The following CPNE8 variants were observed in gnomAD, a reference collection of about 807,000 sequenced individuals.
CPNE8 encodes the protein copine-8.
Under a neutral mutation model 81.5 loss-of-function variants are expected in CPNE8, and 45 were observed. The ratio of observed to expected loss-of-function variants is 0.55; its 90% confidence interval spans 0.44 to 0.71. The LOEUF (loss-of-function observed/expected upper bound fraction) is 0.71. CPNE8 is among the 30% of genes least tolerant of loss of function. The pLI is 0.00. For missense variants in CPNE8, 594 were observed against 672.1 expected (o/e 0.88, Z 1.28); for synonymous variants, 252 against 226.3 (o/e 1.11, Z -1.02).
intron 6 of CPNE8, among the ~76,000 whole-genome samples, chr12:38,777,099 C>T (rs1321578333): frequency 6.6e-6 from 1 of 151,148 alleles, no homozygotes; most frequent in Non-Finnish European, 1.5e-5. Context: ...AAAGAAGGCA[C>T]TGTTATCACA....
chr12:38,672,444 T>C (rs1939196146), intron 18 of CPNE8, among the ~76,000 whole-genome samples: 1 of 152,180 alleles, frequency 6.6e-6, no homozygotes, highest in Admixed American at 6.6e-5. Context: ...GGGTCAGGTC[T>C]ACTCTTCAGG....
intron 1 of CPNE8, among the ~76,000 whole-genome samples, chr12:38,903,432 CTG>C (rs1944518083): frequency 1.3e-5 from 2 of 152,118 alleles, no homozygotes; most frequent in Non-Finnish European, 2.9e-5. Context: ...AGGCAGCAAA[CTG>C]AAACAAATTG....
chr12:38,841,812 A>G (rs1339098208), intron 4 of CPNE8, among the ~76,000 whole-genome samples: 1 of 152,132 alleles, frequency 6.6e-6, no homozygotes, highest in African/African-American at 2.4e-5. Context: ...TTCTGTCTTT[A>G]TCAAAATAGT....
chr12:38,875,539 A>G (rs919682901), intron 1 of CPNE8, among the ~76,000 whole-genome samples: 1 of 152,198 alleles, frequency 6.6e-6, no homozygotes, highest in African/African-American at 2.4e-5. Context: ...CACTAGGACT[A>G]CTATTCATGT....
At chr12:38,769,565 G>A (rs1941758409) in intron 7 of CPNE8, among the ~76,000 whole-genome samples, 1 of 152,132 alleles carries the variant, frequency 6.6e-6, no homozygotes, top group African/African-American at 2.4e-5. Context: ...GGGAGAGAAT[G>A]GCTTTCTAAG....
At chr12:38,868,592 C>A (rs908741869) in intron 3 of CPNE8, among the ~76,000 whole-genome samples, 2 of 152,138 alleles carry the variant, frequency 1.3e-5, no homozygotes, top group African/African-American at 2.4e-5. Context: ...TTATTCAATA[C>A]TTCCAGTAAC....
intron 1 of CPNE8, among the ~76,000 whole-genome samples, chr12:38,894,251 T>C (rs1003809694): frequency 6.6e-6 from 1 of 152,106 alleles, no homozygotes; most frequent in Non-Finnish European, 1.5e-5. Flanking sequence ...GTGATTTAAG[T>C]GAAACAAAGA....
In CPNE8 at chr12:38,867,571, C is replaced by T. The variant is rs1943935211; in HGVS notation, c.186+5433G>A. Among the ~76,000 whole-genome samples, 2 of 152,116 alleles carry T rather than the reference C, an allele frequency of 1.3e-5. 1 individual carries two copies. Among genetic ancestry groups the T allele is most frequent in the South Asian group, 4.1e-4 (2 of 4,826 alleles). ...AACTTCCACTTGCCTTCTTTTATCACATACTAACTTAGGGAACCTGGAACA... is the reference window on the plus strand; with the variant it reads ...AACTTCCACTTGCCTTCTTTTATCATATACTAACTTAGGGAACCTGGAACA... On this transcript the variant is annotated intron_variant, in intron 3 of 19. Coordinates refer to ENST00000331366, the MANE Select transcript of CPNE8 (RefSeq NM_153634.3).
At chr12:38,730,820 A>G (rs1483089089) in intron 10 of CPNE8, among the ~76,000 whole-genome samples, 6 of 150,644 alleles carry the variant, frequency 4.0e-5, no homozygotes, top group African/African-American at 1.5e-4. Context: ...TTAAAAAGTT[A>G]TAACATATTA....
At chr12:38,669,862 G>A (rs1346915356) in intron 19 of CPNE8, among the ~76,000 whole-genome samples, 3 of 152,140 alleles carry the variant, frequency 2.0e-5, no homozygotes, top group African/African-American at 7.2e-5. Context: ...TATGCCTGCA[G>A]TTGCAGAAAG....
intron 5 of CPNE8, 111 bp downstream of exon 5, chr12:38,839,805 A>G: frequency 1.0e-6 from 1 of 981,240 alleles, no homozygotes; most frequent in Non-Finnish European, 1.4e-6. Context: ...TTTCTATGAC[A>G]ATCACGTTAC....
intron 3 of CPNE8, among the ~76,000 whole-genome samples, chr12:38,859,000 T>C (rs1177043372): frequency 2.0e-5 from 3 of 152,196 alleles, no homozygotes; most frequent in Non-Finnish European, 2.9e-5. Context: ...TCATACTCGT[T>C]GGTGAAAAAC....
intron 3 of CPNE8, among the ~76,000 whole-genome samples, chr12:38,861,592 G>A (rs1943835788): frequency 6.6e-6 from 1 of 152,058 alleles, no homozygotes; most frequent in African/African-American, 2.4e-5. Context: ...CATGCAGAAT[G>A]AGTACATGGC....
chr12:38,778,882 A>T (rs1181642835), intron 6 of CPNE8, among the ~76,000 whole-genome samples: 1 of 152,090 alleles, frequency 6.6e-6, no homozygotes, highest in African/African-American at 2.4e-5. Flanking sequence ...TCTTGTTTCC[A>T]CCATGTATTT....
At chr12:38,873,185 A>G in intron 2 of CPNE8, 135 bp from the exon 3 acceptor site, 1 of 572,902 alleles carries the variant, frequency 1.7e-6, no homozygotes, top group Non-Finnish European at 3.1e-6. Flanking sequence ...ACCCTTGCAA[A>G]AAAAAAAGGC....
chr12:38,810,927 T>G (rs1942922872), intron 6 of CPNE8, among the ~76,000 whole-genome samples: 1 of 152,112 alleles, frequency 6.6e-6, no homozygotes. Flanking sequence ...CTCTTAGACT[T>G]CCCCACCTAC....
At chr12:38,797,760 G>A (rs1296126240) in intron 6 of CPNE8, among the ~76,000 whole-genome samples, 2 of 152,104 alleles carry the variant, frequency 1.3e-5, no homozygotes, top group Non-Finnish European at 2.9e-5. Context: ...CGAGCTAAAG[G>A]AGGAAGTTTG....
At chr12:38,656,321 CTT>C (rs71068570) in intron 19 of CPNE8, among the ~76,000 whole-genome samples, 172 of 137,486 alleles carry the variant, frequency 1.3e-3, no homozygotes, top group East Asian at 7.2e-3. Context: ...GGTCTTTAGA[CTT>C]TTTTTTTTTT....
At chr12:38,866,970 T>C (rs1232053607) in intron 3 of CPNE8, among the ~76,000 whole-genome samples, 1 of 152,178 alleles carries the variant, frequency 6.6e-6, no homozygotes, top group Non-Finnish European at 1.5e-5. Context: ...GCGATTCTCC[T>C]GCCTCAACCT....
Sources: gnomAD v4.1 joint callset for allele counts (sites outside exome capture counted in the v4.1 genomes callset) on GRCh38, gnomAD v4.1.1 for gene constraint, MANE v1.5 for transcripts, NCBI Gene and HGNC (gene_info 2026-07-23, HGNC 2026-07-21) for gene names.